Variants in TMEM135 observed in about 807,000 individuals in gnomAD.
TMEM135 encodes the protein transmembrane protein 135, also known as peroxisomal membrane protein 52.
In TMEM135, 30 loss-of-function variants were observed where a neutral mutation model predicts 60.3. The ratio of observed to expected loss-of-function variants is 0.50; its 90% confidence interval spans 0.37 to 0.68. TMEM135 has a LOEUF of 0.68. TMEM135 is among the 30% of genes least tolerant of loss of function. The pLI, the probability that TMEM135 is intolerant of heterozygous loss-of-function variation, is 0.00. For synonymous variants in TMEM135, 190 were observed against 186.7 expected (o/e 1.02, Z -0.14); for missense variants, 468 against 548.8 (o/e 0.85, Z 1.47).
At chr11:87,073,600 C>T (rs990679228) in intron 3 of TMEM135, among the ~76,000 whole-genome samples, 4 of 152,092 alleles carry the variant, frequency 2.6e-5, no homozygotes, top group African/African-American at 9.7e-5. Context: ...CCCAGCTCTG[C>T]CACTGACTGC....
At chr11:87,287,867 A>T (rs1485780043) in intron 6 of TMEM135, among the ~76,000 whole-genome samples, 1 of 152,164 alleles carries the variant, frequency 6.6e-6, no homozygotes, top group African/African-American at 2.4e-5. Flanking sequence ...AAAGTTGACT[A>T]GTTTGAGTTT....
intron 5 of TMEM135, among the ~76,000 whole-genome samples, chr11:87,167,918 A>C (rs1939107445): frequency 6.6e-6 from 1 of 152,120 alleles, no homozygotes; most frequent in South Asian, 2.1e-4. Flanking sequence ...GGTAGAATTC[A>C]GGTGTGAATC....
intron 4 of TMEM135, among the ~76,000 whole-genome samples, chr11:87,110,758 ATGTG>A (rs201687021): frequency 6.6e-6 from 1 of 151,646 alleles, no homozygotes; most frequent in Non-Finnish European, 1.5e-5. Context: ...TTTTAAAGGA[ATGTG>A]TGTGTGTGTA....
At chr11:87,156,138 G>T (rs368495418) in intron 4 of TMEM135, among the ~76,000 whole-genome samples, 1 of 152,206 alleles carries the variant, frequency 6.6e-6, no homozygotes, top group East Asian at 1.9e-4. Flanking sequence ...GCACTCAATA[G>T]TCTTATTACC....
chr11:87,134,779 C>A (rs991758941), intron 4 of TMEM135, among the ~76,000 whole-genome samples: 1 of 152,190 alleles, frequency 6.6e-6, no homozygotes, highest in Admixed American at 6.5e-5. Context: ...TGCAACTGCA[C>A]CCAGCTGTAT....
At chr11:87,042,208 G>T (rs1949755782) in intron 1 of TMEM135, among the ~76,000 whole-genome samples, 2 of 152,220 alleles carry the variant, frequency 1.3e-5, no homozygotes, top group Non-Finnish European at 1.5e-5. Flanking sequence ...GACAATAATG[G>T]TAATAGACTG....
intron 6 of TMEM135, among the ~76,000 whole-genome samples, chr11:87,260,795 T>A (rs897381435): frequency 1.3e-5 from 2 of 152,082 alleles, no homozygotes; most frequent in Admixed American, 6.5e-5. Flanking sequence ...TTGTTGTTAA[T>A]AAACTGTTAC....
intron 4 of TMEM135, chr11:87,096,735 A>C (rs1161179541): frequency 6.6e-6 from 1 of 152,156 alleles, no homozygotes; most frequent in African/African-American, 2.4e-5. Flanking sequence ...CCTTGACAGG[A>C]GATAAGTTGG....
chr11:87,200,621 A>G (rs372113572), intron 5 of TMEM135, among the ~76,000 whole-genome samples: 1 of 152,210 alleles, frequency 6.6e-6, no homozygotes, highest in African/African-American at 2.4e-5. Context: ...ACACATCATT[A>G]TCATTCAATG....
intron 3 of TMEM135, among the ~76,000 whole-genome samples, chr11:87,077,424 T>C (rs1156387795): frequency 6.6e-6 from 1 of 152,266 alleles, no homozygotes; most frequent in Non-Finnish European, 1.5e-5. Flanking sequence ...TTTCAGTTTT[T>C]GGCTGCTCCA....
intron 1 of TMEM135, among the ~76,000 whole-genome samples, chr11:87,046,270 G>A (rs1949795101): frequency 6.6e-6 from 1 of 152,186 alleles, no homozygotes; most frequent in South Asian, 2.1e-4. Flanking sequence ...CCAGCGTGGT[G>A]GTGGGCATCT....
chr11:87,203,726 G>T (rs1481104488), intron 5 of TMEM135, among the ~76,000 whole-genome samples: 1 of 152,118 alleles, frequency 6.6e-6, no homozygotes, highest in Non-Finnish European at 1.5e-5. Context: ...AAGTACCGAG[G>T]AGCACAATTG....
At chr11:87,235,257 C>T (rs1394764664) in intron 5 of TMEM135, among the ~76,000 whole-genome samples, 1 of 150,426 alleles carries the variant, frequency 6.6e-6, no homozygotes, top group Non-Finnish European at 1.5e-5. Context: ...TGTTTTAAGT[C>T]AGTGGAGAAG....
At chr11:87,124,846 C>G (rs907226104) in intron 4 of TMEM135, among the ~76,000 whole-genome samples, 2 of 152,106 alleles carry the variant, frequency 1.3e-5, no homozygotes, top group African/African-American at 4.8e-5. Flanking sequence ...CTGTTCTTCT[C>G]TCATTACACT....
intron 3 of TMEM135, among the ~76,000 whole-genome samples, chr11:87,079,369 T>G (rs543830116): frequency 1.3e-5 from 2 of 152,354 alleles, no homozygotes; most frequent in African/African-American, 2.4e-5. Flanking sequence ...CCATTTTGAA[T>G]TAATTTTCGT....
chr11:87,185,813 A>C lies in TMEM135; in HGVS notation c.462+28407A>C, dbSNP rs138617886. On this transcript the variant is annotated intron_variant, in intron 5 of 14. Coordinates refer to ENST00000305494, the MANE Select transcript of TMEM135 (RefSeq NM_022918.4). ...ATTCAAAATGATGCATTAGTTTATAAAAATCCTCAAAAGATGAGTAATGAT... is the reference window on the plus strand; with the variant it reads ...ATTCAAAATGATGCATTAGTTTATACAAATCCTCAAAAGATGAGTAATGAT... Among the ~76,000 whole-genome samples, 5 of 152,314 alleles carry C rather than the reference A, an allele frequency of 3.3e-5. No homozygotes were observed. In the East Asian group the frequency reaches 9.6e-4, roughly 29 times the overall value.
chr11:87,151,387 T>C (rs1296386074), intron 4 of TMEM135, among the ~76,000 whole-genome samples: 3 of 152,142 alleles, frequency 2.0e-5, no homozygotes, highest in Non-Finnish European at 4.4e-5. Context: ...TATTCTTGTT[T>C]TATGGTTGCA....
intron 4 of TMEM135, among the ~76,000 whole-genome samples, chr11:87,148,638 A>G (rs562164357): frequency 1.3e-5 from 2 of 152,248 alleles, no homozygotes; most frequent in South Asian, 4.2e-4. Context: ...AAGTAGCCTG[A>G]CCTACAGGAG....
chr11:87,110,549 A>G (rs954198225), intron 4 of TMEM135, among the ~76,000 whole-genome samples: 1 of 152,186 alleles, frequency 6.6e-6, no homozygotes, highest in Non-Finnish European at 1.5e-5. Flanking sequence ...GTCAAATGGA[A>G]TAATTCATAG....
Sources: gnomAD v4.1 joint callset for allele counts (sites outside exome capture counted in the v4.1 genomes callset) on GRCh38, gnomAD v4.1.1 for gene constraint, MANE v1.5 for transcripts, NCBI Gene and HGNC (gene_info 2026-07-23, HGNC 2026-07-21) for gene names.